TTLL11: variants seen among roughly 807,000 people sequenced by gnomAD.
TTLL11 encodes the protein tubulin tyrosine ligase like 11, also known as tubulin polyglutamylase TTLL11.
TTLL11 carries 42 observed loss-of-function variants against 51.7 expected under a neutral mutation model. The observed-to-expected ratio is 0.81, with a 90% CI of 0.64 to 1.05. The LOEUF (loss-of-function observed/expected upper bound fraction) is 1.05. Ranked by LOEUF, TTLL11 falls within the 50% of genes least tolerant of loss-of-function variation. TTLL11 has a pLI of 0.00. For synonymous variants in TTLL11, 381 were observed against 383.5 expected, an observed-to-expected ratio of 0.99 and a Z score of 0.08; for missense variants, 799 against 940.4, an observed-to-expected ratio of 0.85 and a Z score of 1.97.
intron 6 of TTLL11, among the ~76,000 whole-genome samples, chr9:121,920,451 G>C (rs771215678): frequency 4.6e-5 from 7 of 152,222 alleles, no homozygotes; most frequent in Non-Finnish European, 1.0e-4. Context: ...ATCTAAACCA[G>C]ATGAGCTCCA....
At chr9:121,957,189 A>C (rs1842046659) in intron 6 of TTLL11, among the ~76,000 whole-genome samples, 1 of 150,062 alleles carries the variant, frequency 6.7e-6, no homozygotes, top group Non-Finnish European at 1.5e-5. Flanking sequence ...GGTCTTCCTC[A>C]AACCGGCTAG....
chr9:122,011,027 C>T (rs1843777589), intron 3 of TTLL11, among the ~76,000 whole-genome samples: 1 of 152,178 alleles, frequency 6.6e-6, no homozygotes, highest in African/African-American at 2.4e-5. Context: ...TCTCACATGT[C>T]ACAGGAGGGA....
rs10985446 is a variant in TTLL11 at position 121,909,339 on chromosome 9, G to A, written c.1482-38591C>T. On this transcript the variant is annotated intron_variant, in intron 6 of 8. Transcript: ENST00000321582. ...ATGCTGAGGGCAATCACTCCCTGCCGCCGTGCTCCTTGAGATTATCTACTG... is the reference window on the plus strand; with the variant it reads ...ATGCTGAGGGCAATCACTCCCTGCCACCGTGCTCCTTGAGATTATCTACTG... Among the ~76,000 whole-genome samples, 369 of 152,146 alleles carry A rather than the reference G, an allele frequency of 2.4e-3. 5 individuals carry two copies. The East Asian group carries it at 0.045, about 18-fold the overall frequency.
intron 1 of TTLL11, among the ~76,000 whole-genome samples, chr9:122,065,000 T>C (rs1238409093): frequency 6.6e-6 from 1 of 152,160 alleles, no homozygotes; most frequent in Admixed American, 6.5e-5. Flanking sequence ...CTAAAGAGGA[T>C]GGTCCACAAA....
chr9:121,854,118 T>G (rs1281299456), intron 8 of TTLL11, among the ~76,000 whole-genome samples: 2 of 152,116 alleles, frequency 1.3e-5, no homozygotes, highest in Admixed American at 1.3e-4. Context: ...TTGCCTAACT[T>G]CCCTGAGGTT....
chr9:121,844,295 GA>G (rs372484550), intron 8 of TTLL11, among the ~76,000 whole-genome samples: 5,088 of 148,822 alleles, frequency 0.034, 256 homozygotes, highest in African/African-American at 0.12. Context: ...AATAGGGAGA[GA>G]AAAAAAAACA....
intron 8 of TTLL11, among the ~76,000 whole-genome samples, chr9:121,840,451 A>G (rs1337133785): frequency 6.6e-6 from 1 of 152,160 alleles, no homozygotes; most frequent in East Asian, 1.9e-4. Flanking sequence ...GAGGGAGTAT[A>G]GTGGCTTGAT....
At chr9:122,078,643 T>C (rs149442581) in intron 1 of TTLL11, among the ~76,000 whole-genome samples, 10 of 152,216 alleles carry the variant, frequency 6.6e-5, no homozygotes, top group African/African-American at 2.2e-4. Context: ...GCACTTTACA[T>C]GATTATAGCT....
intron 1 of TTLL11, among the ~76,000 whole-genome samples, chr9:122,090,105 C>G (rs2131945365): frequency 6.6e-6 from 1 of 152,020 alleles, no homozygotes; most frequent in Non-Finnish European, 1.5e-5. Context: ...ACCAGTGCAA[C>G]AGTCTCATGT....
At chr9:122,018,922 C>A (rs780837589) in intron 3 of TTLL11, among the ~76,000 whole-genome samples, 3 of 152,210 alleles carry the variant, frequency 2.0e-5, no homozygotes, top group African/African-American at 7.2e-5. Context: ...AGAGACTCCC[C>A]GAACAGCTAA....
chr9:121,900,696 T>A (rs538118573), intron 6 of TTLL11, among the ~76,000 whole-genome samples: 93 of 152,374 alleles, frequency 6.1e-4, no homozygotes, highest in African/African-American at 2.1e-3. Flanking sequence ...TTGTTTGTGC[T>A]AAATTCTGAC....
chr9:122,054,612 T>C (rs1258796948), intron 1 of TTLL11, among the ~76,000 whole-genome samples: 1 of 152,218 alleles, frequency 6.6e-6, no homozygotes, highest in African/African-American at 2.4e-5. Flanking sequence ...AAATAATCTC[T>C]TTAAATGACT....
intron 6 of TTLL11, among the ~76,000 whole-genome samples, chr9:121,952,069 T>C (rs1841867715): frequency 6.6e-6 from 1 of 152,164 alleles, no homozygotes; most frequent in African/African-American, 2.4e-5. Flanking sequence ...TTATGACCTG[T>C]ATTTTGTGCC....
chr9:121,853,024 A>G lies in TTLL11; in HGVS notation c.1840+7313T>C, dbSNP rs1450431864. Among the ~76,000 whole-genome samples the G allele has an allele frequency of 6.6e-6, 1 of 152,190 alleles. No homozygotes were observed. Among genetic ancestry groups the G allele is most frequent in the Non-Finnish European group, 1.5e-5 (1 of 68,034 alleles). On this transcript the variant is annotated intron_variant, in intron 8 of 8. Transcript: ENST00000321582. The surrounding 1 kb of genome is among the most constrained non-coding windows in gnomAD (Gnocchi z 5.6). ...ATTCCAAATGAAAATACTCTTCAAT[A>G]TTTCAGTGCATCGTTAACCAAATAC...
intron 8 of TTLL11, among the ~76,000 whole-genome samples, chr9:121,839,246 A>T (rs1837282197): frequency 6.6e-6 from 1 of 152,228 alleles, no homozygotes; most frequent in Non-Finnish European, 1.5e-5. Context: ...GGATGTCAGC[A>T]GTGCTAGGGC....
chr9:121,991,365 C>T (rs562420075), intron 3 of TTLL11, among the ~76,000 whole-genome samples: 9 of 152,278 alleles, frequency 5.9e-5, no homozygotes, highest in South Asian at 4.1e-4. Context: ...CAGCAGGATC[C>T]GAGAATGGAA....
chr9:121,894,736 C>A (rs1839387344), intron 6 of TTLL11, among the ~76,000 whole-genome samples: 1 of 152,026 alleles, frequency 6.6e-6, no homozygotes, highest in South Asian at 2.1e-4. Context: ...ACATCACACA[C>A]CAGGGCCTGT....
chr9:121,883,996 A>C (rs1838898846), intron 6 of TTLL11, among the ~76,000 whole-genome samples: 1 of 152,224 alleles, frequency 6.6e-6, no homozygotes, highest in Non-Finnish European at 1.5e-5. Context: ...GACAGCACCA[A>C]ACCCACAGGG....
intron 1 of TTLL11, among the ~76,000 whole-genome samples, chr9:122,044,327 ATG>A (rs1288143865): frequency 6.6e-6 from 1 of 152,074 alleles, no homozygotes; most frequent in African/African-American, 2.4e-5. Context: ...ATACGTGTGC[ATG>A]TGTCTTTATA....
Sources: gnomAD v4.1 joint callset for allele counts (sites outside exome capture counted in the v4.1 genomes callset) on GRCh38, gnomAD v4.1.1 for gene constraint, Gnocchi (gnomAD v3.1) non-coding constraint, MANE v1.5 for transcripts, NCBI Gene and HGNC (gene_info 2026-07-23, HGNC 2026-07-21) for gene names.